Variants in CADM2 observed in about 807,000 individuals in gnomAD.
CADM2 encodes the protein cell adhesion molecule 2.
CADM2 carries 12 observed loss-of-function variants against 49.8 expected under a neutral mutation model. The ratio of observed to expected loss-of-function variants is 0.24; its 90% confidence interval spans 0.15 to 0.39. The LOEUF (loss-of-function observed/expected upper bound fraction) is 0.39. Among genes scored for constraint, CADM2 ranks in the 10% least tolerant of loss-of-function variants. The pLI, the probability that CADM2 is intolerant of heterozygous loss-of-function variation, is 1.00. For missense variants in CADM2, 378 were observed against 492.3 expected, an observed-to-expected ratio of 0.77 and a Z score of 2.20; for synonymous variants, 214 against 175.4, an observed-to-expected ratio of 1.22 and a Z score of -1.74.
intron 1 of CADM2, among the ~76,000 whole-genome samples, chr3:85,296,425 T>G (rs1377536401): frequency 8.3e-6 from 1 of 120,560 alleles, no homozygotes; most frequent in Non-Finnish European, 1.8e-5. Context: ...AGTAAACAAT[T>G]TTTTTTTTCT....
At chr3:85,033,844 A>G (rs901777454) in intron 1 of CADM2, among the ~76,000 whole-genome samples, 2 of 152,210 alleles carry the variant, frequency 1.3e-5, no homozygotes, top group African/African-American at 4.8e-5. Context: ...TAGGTTATTC[A>G]AACCAGTGTG....
intron 1 of CADM2, among the ~76,000 whole-genome samples, chr3:85,009,436 C>T (rs2033883885): frequency 1.3e-5 from 2 of 152,130 alleles, no homozygotes. Context: ...TTGGATAACT[C>T]ACTTAACTTC....
At chr3:85,863,846 G>A (rs2075626830) in intron 3 of CADM2, among the ~76,000 whole-genome samples, 1 of 152,186 alleles carries the variant, frequency 6.6e-6, no homozygotes, top group Non-Finnish European at 1.5e-5. Flanking sequence ...GGACTTGTGA[G>A]GCTTGAATGA....
At chr3:85,848,727 C>G (rs1011272778) in intron 3 of CADM2, among the ~76,000 whole-genome samples, 1 of 151,904 alleles carries the variant, frequency 6.6e-6, no homozygotes, top group African/African-American at 2.4e-5. Flanking sequence ...TCCCTGAACC[C>G]GAATTTAAGA....
chr3:85,689,922 A>G (rs1249466226), intron 1 of CADM2, among the ~76,000 whole-genome samples: 1 of 152,216 alleles, frequency 6.6e-6, no homozygotes, highest in African/African-American at 2.4e-5. Flanking sequence ...AACAACAGAA[A>G]GGAAAAAACA....
intron 1 of CADM2, among the ~76,000 whole-genome samples, chr3:85,147,737 G>A (rs1246301991): frequency 6.6e-6 from 1 of 152,126 alleles, no homozygotes; most frequent in African/African-American, 2.4e-5. Context: ...GATGTTAAAA[G>A]ATTAAGAATT....
chr3:85,944,957 A>T (rs1344668550), intron 7 of CADM2, among the ~76,000 whole-genome samples: 1 of 152,114 alleles, frequency 6.6e-6, no homozygotes, highest in Non-Finnish European at 1.5e-5. Flanking sequence ...TAGAGACACA[A>T]AAAACCCTTC....
At chr3:85,634,876 A>G (rs944261555) in intron 1 of CADM2, among the ~76,000 whole-genome samples, 1 of 133,284 alleles carries the variant, frequency 7.5e-6, no homozygotes, top group African/African-American at 2.5e-5. Context: ...TCAATTTTCA[A>G]ACAGAAAATT....
intron 1 of CADM2, among the ~76,000 whole-genome samples, chr3:85,490,970 C>A (rs1221902844): frequency 6.6e-6 from 1 of 152,068 alleles, no homozygotes; most frequent in East Asian, 1.9e-4. Context: ...TTTTAAAGGG[C>A]ATCTTTAGAT....
intron 1 of CADM2, among the ~76,000 whole-genome samples, chr3:85,104,546 G>T (rs996625989): frequency 4.1e-4 from 63 of 152,174 alleles, no homozygotes; most frequent in African/African-American, 1.4e-3. Flanking sequence ...TTGACTTGGC[G>T]ATGCGGGCTC....
chr3:85,476,782 A>G (rs2038991960), intron 1 of CADM2, among the ~76,000 whole-genome samples: 1 of 151,838 alleles, frequency 6.6e-6, no homozygotes, highest in Non-Finnish European at 1.5e-5. Context: ...GTATCCCTGA[A>G]AAATACACCA....
chr3:85,037,859 AT>A (rs1388166211), intron 1 of CADM2, among the ~76,000 whole-genome samples: 4 of 151,864 alleles, frequency 2.6e-5, no homozygotes, highest in Admixed American at 2.6e-4. Flanking sequence ...TTTCTTGATT[AT>A]TTCTTTTCAA....
chr3:85,608,174 T>G (rs2107437426), intron 1 of CADM2, among the ~76,000 whole-genome samples: 1 of 152,296 alleles, frequency 6.6e-6, no homozygotes, highest in Non-Finnish European at 1.5e-5. Context: ...TTTTCTTAAT[T>G]TATTAGTTGC....
intron 1 of CADM2, among the ~76,000 whole-genome samples, chr3:85,191,830 G>A (rs900194838): frequency 6.6e-6 from 1 of 152,022 alleles, no homozygotes; most frequent in African/African-American, 2.4e-5. Flanking sequence ...AATTTCTGGA[G>A]GTGTTTATTC....
chr3:85,733,753 A>C (rs1215770112), intron 2 of CADM2, among the ~76,000 whole-genome samples: 1 of 152,160 alleles, frequency 6.6e-6, no homozygotes, highest in African/African-American at 2.4e-5. Context: ...CATTTCTACA[A>C]TAAATAAATC....
chr3:85,146,387 CTT>C lies in CADM2; in HGVS notation c.61+186727_61+186728del, dbSNP rs538695998. Among the ~76,000 whole-genome samples, 16 of 150,978 alleles carry C rather than the reference CTT, an allele frequency of 1.1e-4. No individual in the cohort carries two copies. In the South Asian group the frequency reaches 2.9e-3, roughly 28 times the overall value. ...CCTTCTTAGATTTTTAATGAGGTCT[CTT>C]TTTTTTTATGCAGTGGCAAATGAAA... On this transcript the variant is annotated intron_variant, in intron 1 of 9. Transcript: ENST00000383699.
At chr3:86,037,318 G>T (rs1047262374) in intron 8 of CADM2, among the ~76,000 whole-genome samples, 1 of 152,012 alleles carries the variant, frequency 6.6e-6, no homozygotes, top group African/African-American at 2.4e-5. Flanking sequence ...AGAAATGTTG[G>T]CAATACTTAT....
At chr3:85,641,363 T>C (rs148072846) in intron 1 of CADM2, among the ~76,000 whole-genome samples, 125 of 152,354 alleles carry the variant, frequency 8.2e-4, no homozygotes, top group African/African-American at 3.0e-3. Flanking sequence ...CGTAGAACTA[T>C]AGTGAGAAAA....
chr3:85,309,795 A>G (rs567087199), intron 1 of CADM2, among the ~76,000 whole-genome samples: 2 of 152,148 alleles, frequency 1.3e-5, no homozygotes, highest in Non-Finnish European at 2.9e-5. Context: ...GATCATCACA[A>G]TGGTACACAC....
Sources: allele counts gnomAD v4.1 joint callset (sites outside exome capture counted in the v4.1 genomes callset), GRCh38; gene constraint gnomAD v4.1.1; transcripts MANE v1.5; gene names NCBI Gene and HGNC (gene_info 2026-07-23, HGNC 2026-07-21).